The following GSDMD variants were observed in gnomAD, a reference collection of about 807,000 sequenced individuals.
GSDMD encodes gasdermin-D.
GSDMD carries 46 observed loss-of-function variants against 46.7 expected under a neutral mutation model. The observed-to-expected ratio is 0.99, with a 90% CI of 0.78 to 1.26. The LOEUF (loss-of-function observed/expected upper bound fraction) is 1.26. GSDMD is among the 50% of genes most tolerant of loss of function. The pLI, the probability that GSDMD is intolerant of heterozygous loss-of-function variation, is 0.00. For missense variants in GSDMD, 649 were observed against 638.8 expected (o/e 1.02, Z -0.17); for synonymous variants, 307 against 283.1 (o/e 1.08, Z -0.85).
At chr8:143,554,594 C>G (rs1823267547), upstream of GSDMD, among the ~76,000 whole-genome samples, 1 of 151,408 alleles carries the variant, frequency 6.6e-6, no homozygotes, top group Non-Finnish European at 1.5e-5. Context: ...CGTGCATACA[C>G]GCGCACAACG....
At chr8:143,553,419 C>T (rs1246630572), upstream of GSDMD, 1 of 146,296 alleles carries the variant, frequency 6.8e-6, no homozygotes, top group East Asian at 2.6e-4. Flanking sequence ...GCCGCTCACT[C>T]TGCACACGCA....
rs760222523 is a variant in GSDMD at position 143,560,387 on chromosome 8, G to A, written c.411-216G>A. The A allele has an allele frequency of 1.3e-4, 83 of 633,460 alleles. 2 individuals are homozygous for A. The highest frequency in any genetic ancestry group is 1.1e-3 in the South Asian group (61 of 54,876). The allele number at this position is 633,460 out of a possible 1,614,324, so 39.2% of individuals were successfully genotyped here. On this transcript the variant is annotated intron_variant, in intron 3 of 10. Transcript: ENST00000262580. ...ACACGGGGGCCCAGGTGAGGGGGCCGCACCTCGAGTCTGGACTTGGAGTCC... is the reference window on the plus strand; with the variant it reads ...ACACGGGGGCCCAGGTGAGGGGGCCACACCTCGAGTCTGGACTTGGAGTCC...
chr8:143,556,803 T>C (rs1024442911), upstream of GSDMD, among the ~76,000 whole-genome samples: 1 of 152,234 alleles, frequency 6.6e-6, no homozygotes, highest in South Asian at 2.1e-4. Flanking sequence ...AGACTAGGTG[T>C]TGCTACTGGG....
chr8:143,560,132 C>A, intron 3 of GSDMD, 163 bp downstream of exon 3: 1 of 750,094 alleles, frequency 1.3e-6, no homozygotes, highest in Non-Finnish European at 2.4e-6. Context: ...CCTCGGCCTC[C>A]CAAAGTGCTG....
rs375439187 is a variant in GSDMD at position 143,562,335 on chromosome 8, C to T, written c.1123C>T (p.Leu375=). The T allele has an allele frequency of 1.6e-6, 2 of 1,284,424 alleles. No homozygotes were observed. Among genetic ancestry groups the T allele is most frequent in the African/African-American group, 1.7e-5 (1 of 60,386 alleles). 79.6% of individuals were successfully genotyped at this position (1,284,424 alleles called of 1,614,324 possible). The change falls in exon 9 of 11, where the codon CTG becomes TTG. Residue 375 remains leucine (L), a synonymous_variant. Coordinates refer to ENST00000262580, the MANE Select transcript of GSDMD (RefSeq NM_024736.7). The part of the protein sequence containing the change: ...PELAIPVVYL[L]GALTMLSETQ... ...ACTCGCTATCCCTGTTGTCTACCTG[C>T]TGGGGGCACTGACCAGTGAGCGGCC...
At chr8:143,562,375 G>T in intron 9 of GSDMD, 25 bp downstream of exon 9, 1 of 1,544,894 alleles carries the variant, frequency 6.5e-7, no homozygotes, top group South Asian at 1.2e-5. Context: ...GGGGCAGGTG[G>T]CGGGTGGGAG....
chr8:143,559,987 A>AGGGCAGGGCG lies in GSDMD; in HGVS notation c.410+27_410+28insGGGGCAGGGC. The stretch of plus-strand genomic sequence containing the variant: ...CATGAGAGGTGGGCCCGAAGAGGGC[A>AGGGCAGGGCG]GGGCAGGGCAGGGCCCCACCTACCC... On this transcript the variant is annotated intron_variant, in intron 3 of 10. Coordinates refer to ENST00000262580, the MANE Select transcript of GSDMD (RefSeq NM_024736.7). The AGGGCAGGGCG allele has an allele frequency of 6.3e-7, 1 of 1,589,732 alleles. No individual in the cohort carries two copies. The highest frequency in any genetic ancestry group is 1.6e-5 in the African/African-American group (1 of 61,556).
chr8:143,561,446 A>G lies in GSDMD; in HGVS notation c.736+23A>G, dbSNP rs147751545. On this transcript the variant is annotated intron_variant, in intron 6 of 10. Transcript: ENST00000262580. The stretch of plus-strand genomic sequence containing the variant: ...CAGGTGAGAGCCGAGAGCCCCCAGC[A>G]TGGGGTGTCCGGTGGGAAAAGCACA... 689 of 1,606,462 alleles carry G rather than the reference A, an allele frequency of 4.3e-4. 5 individuals carry two copies. The African/African-American group carries it at 8.2e-3, about 19-fold the overall frequency.
upstream of GSDMD, among the ~76,000 whole-genome samples, chr8:143,556,970 C>G (rs961609588): frequency 6.6e-6 from 1 of 152,278 alleles, no homozygotes; most frequent in Non-Finnish European, 1.5e-5. Flanking sequence ...TTCCTCACCC[C>G]AGAAAGAAAC....
intron 3 of GSDMD, 31 bp from the exon 4 acceptor site, chr8:143,560,572 C>A (rs752374530): frequency 6.5e-7 from 1 of 1,544,918 alleles, no homozygotes. Flanking sequence ...GGGGCTGCGG[C>A]CCAGCGAGCT....
chr8:143,559,280 T>TAGCA, intron 1 of GSDMD, 52 bp from the exon 2 acceptor site: 2 of 579,428 alleles, frequency 3.5e-6, no homozygotes, highest in Non-Finnish European at 6.4e-6. Flanking sequence ...CTTCTCCCAC[T>TAGCA]CCCTCCCGCC....
chr8:143,561,431 C>G lies in GSDMD; in HGVS notation c.736+8C>G. 1 of 1,610,494 alleles carries G rather than the reference C, an allele frequency of 6.2e-7. No individual in the cohort carries two copies. The highest frequency in any genetic ancestry group is 8.5e-7 in the Non-Finnish European group (1 of 1,179,052). ...TCCAGCCACCCGCGACAGGTGAGAG[C>G]CGAGAGCCCCCAGCATGGGGTGTCC... On this transcript the variant is annotated splice_region_variant and intron_variant, in intron 6 of 10. Transcript: ENST00000262580.
At chr8:143,558,802 GC>G in intron 1 of GSDMD, 3 of 584,138 alleles carry the variant, frequency 5.1e-6, no homozygotes, top group East Asian at 3.9e-5. Context: ...TGGCCCAGGT[GC>G]CCCCTATCCC....
chr8:143,554,134 G>C (rs1397817155), upstream of GSDMD, among the ~76,000 whole-genome samples: 1 of 152,248 alleles, frequency 6.6e-6, no homozygotes, highest in East Asian at 1.9e-4. Flanking sequence ...GGGGAGGAGG[G>C]AGGAGGCCCA....
chr8:143,562,590 G>T, intron 10 of GSDMD, 69 bp downstream of exon 10: 5 of 1,596,850 alleles, frequency 3.1e-6, no homozygotes, highest in Non-Finnish European at 3.4e-6. Context: ...TGGCACCTGG[G>T]AAGGGGTGGT....
In GSDMD at chr8:143,560,948, G is replaced by T. The variant is rs776603065; in HGVS notation, c.580-54G>T. 2.0e-6 allele frequency: 3 copies of T among 1,512,490 alleles called. No homozygotes were observed. The African/African-American group carries it at 4.2e-5, about 21-fold the overall frequency. The allele number at this position is 1,512,490 out of a possible 1,614,324, so 93.7% of individuals were successfully genotyped here. ...TGCCCCCGGCACCCGGCCCGCACCC[G>T]CACCCCACGGCCCGGTGCCAGGGCC... On this transcript the variant is annotated intron_variant, in intron 4 of 10. Coordinates refer to ENST00000262580, the MANE Select transcript of GSDMD (RefSeq NM_024736.7).
chr8:143,559,282 C>CCAA, intron 1 of GSDMD, 50 bp from the exon 2 acceptor site: 2 of 436,040 alleles, frequency 4.6e-6, no homozygotes, highest in Non-Finnish European at 9.1e-6. Context: ...TCTCCCACTC[C>CCAA]CTCCCGCCCG....
intron 1 of GSDMD, 113 bp downstream of exon 1, chr8:143,558,564 G>A: frequency 9.4e-7 from 1 of 1,065,826 alleles, no homozygotes; most frequent in Non-Finnish European, 1.3e-6. Flanking sequence ...CGCCCAGAAG[G>A]CCCCGCGCCG....
At chr8:143,557,901 T>C, upstream of GSDMD, 1 of 445,104 alleles carries the variant, frequency 2.2e-6, no homozygotes, top group South Asian at 1.6e-5. Context: ...GTTTGTTTGC[T>C]TGTTTGTTTT....
Sources: allele counts gnomAD v4.1 joint callset (sites outside exome capture counted in the v4.1 genomes callset), GRCh38; gene constraint gnomAD v4.1.1; transcripts MANE v1.5; gene names NCBI Gene and HGNC (gene_info 2026-07-23, HGNC 2026-07-21).